The following CSMD1 variants were observed in gnomAD, a reference collection of about 807,000 sequenced individuals.
CSMD1 encodes CUB and Sushi multiple domains 1, also known as CUB and sushi domain-containing protein 1.
A neutral mutation model predicts 417.5 loss-of-function variants in CSMD1; 213 were observed. The ratio of observed to expected loss-of-function variants is 0.51; its 90% CI spans 0.46 to 0.57. The LOEUF is 0.57. CSMD1 is among the 20% of genes least tolerant of loss of function. CSMD1 has a pLI of 0.00. For missense variants in CSMD1, 6,923 were observed against 4,529.7 expected (o/e 1.53, Z -15.17); for synonymous variants, 2,862 against 1,736.8 (o/e 1.65, Z -16.11).
intron 33 of CSMD1, among the ~76,000 whole-genome samples, chr8:3,195,900 G>A (rs1459264799): frequency 6.6e-6 from 1 of 152,162 alleles, no homozygotes; most frequent in East Asian, 1.9e-4. Flanking sequence ...TATTTAAACT[G>A]TCAGAGGTGT....
At chr8:2,983,198 T>G (rs1389131954) in intron 54 of CSMD1, among the ~76,000 whole-genome samples, 1 of 151,932 alleles carries the variant, frequency 6.6e-6, no homozygotes, top group African/African-American at 2.4e-5. Flanking sequence ...CATATATATT[T>G]TTTTTTGAGA....
In CSMD1 at chr8:4,155,282, G is replaced by A. The variant is rs539739976; in HGVS notation, c.416-123183C>T. On this transcript the variant is annotated intron_variant, in intron 3 of 69. Coordinates refer to ENST00000635120, the MANE Select transcript of CSMD1 (RefSeq NM_033225.6). ...GGTGAATAAGTCCGGGTGTGAATTA[G>A]GGGGTGGAGCAGCAAGATCAGCGTT... Among the ~76,000 whole-genome samples, 9 of 152,296 alleles carry A rather than the reference G, an allele frequency of 5.9e-5. No homozygotes were observed. The South Asian group carries it at 1.9e-3, about 32-fold the overall frequency.
intron 46 of CSMD1, among the ~76,000 whole-genome samples, chr8:3,106,158 G>A (rs1479726182): frequency 1.3e-5 from 2 of 151,166 alleles, no homozygotes; most frequent in Non-Finnish European, 2.9e-5. Flanking sequence ...AGCTGAGGCA[G>A]GTAGATAGCT....
chr8:3,712,556 C>G (rs933042158), intron 6 of CSMD1, among the ~76,000 whole-genome samples: 2 of 152,192 alleles, frequency 1.3e-5, no homozygotes, highest in African/African-American at 4.8e-5. Flanking sequence ...GTCATTCATT[C>G]TCAGATCTTC....
At chr8:4,620,454 G>A (rs920104494) in intron 2 of CSMD1, among the ~76,000 whole-genome samples, 7 of 151,576 alleles carry the variant, frequency 4.6e-5, no homozygotes, top group East Asian at 1.9e-4. Flanking sequence ...CATAGATAAC[G>A]CTTTCTTCTA....
At chr8:4,899,027 A>G (rs1804689352) in intron 1 of CSMD1, among the ~76,000 whole-genome samples, 2 of 151,944 alleles carry the variant, frequency 1.3e-5, no homozygotes, top group Admixed American at 1.3e-4. Flanking sequence ...GCTAAACACA[A>G]TCGACTCCTT....
intron 3 of CSMD1, among the ~76,000 whole-genome samples, chr8:4,300,587 GGTTT>G (rs1375250061): frequency 6.6e-6 from 1 of 152,040 alleles, no homozygotes; most frequent in Non-Finnish European, 1.5e-5. Flanking sequence ...ACAACGTGCG[GGTTT>G]GTTTCATATG....
At chr8:3,294,128 C>T (rs1056557643) in intron 25 of CSMD1, among the ~76,000 whole-genome samples, 1 of 152,190 alleles carries the variant, frequency 6.6e-6, no homozygotes, top group Non-Finnish European at 1.5e-5. Flanking sequence ...GCAGCAGAGA[C>T]TGCAGAACAG....
intron 5 of CSMD1, among the ~76,000 whole-genome samples, chr8:3,930,545 C>T (rs574168299): frequency 7.3e-5 from 11 of 150,408 alleles, no homozygotes; most frequent in South Asian, 6.4e-4. Context: ...TTCTAAGTTG[C>T]TAGCCAATCG....
intron 1 of CSMD1, among the ~76,000 whole-genome samples, chr8:4,787,156 T>G (rs529156590): frequency 6.6e-6 from 1 of 152,140 alleles, no homozygotes; most frequent in South Asian, 2.1e-4. Flanking sequence ...CCCCTCCGGG[T>G]TCGGCCGCTG....
At chr8:2,987,909 G>A (rs1448811474) in intron 54 of CSMD1, among the ~76,000 whole-genome samples, 2 of 152,144 alleles carry the variant, frequency 1.3e-5, no homozygotes. Flanking sequence ...TTTAAGTTCT[G>A]CCATACATGT....
chr8:3,495,926 G>A (rs762778540), intron 10 of CSMD1, among the ~76,000 whole-genome samples: 11 of 151,870 alleles, frequency 7.2e-5, no homozygotes, highest in East Asian at 3.9e-4. Context: ...CTTAAGTTCC[G>A]GGGTACATGG....
chr8:4,026,860 CA>C (rs1230214699), intron 4 of CSMD1, among the ~76,000 whole-genome samples: 1 of 152,096 alleles, frequency 6.6e-6, no homozygotes, highest in Non-Finnish European at 1.5e-5. Flanking sequence ...AAAACCTGAG[CA>C]AAAGTTTGGA....
chr8:3,516,702 C>G (rs762092061), intron 10 of CSMD1, among the ~76,000 whole-genome samples: 2 of 152,000 alleles, frequency 1.3e-5, no homozygotes, highest in Non-Finnish European at 2.9e-5. Context: ...TGAGAAAGTT[C>G]TTTGGTGGAG....
chr8:3,583,547 A>C (rs1343247849), intron 9 of CSMD1, among the ~76,000 whole-genome samples: 1 of 152,038 alleles, frequency 6.6e-6, no homozygotes, highest in African/African-American at 2.4e-5. Context: ...ACAGCTAAGG[A>C]GAGTTGCAGG....
chr8:2,949,231 C>T, intron 68 of CSMD1, 68 bp downstream of exon 68: 1 of 774,622 alleles, frequency 1.3e-6, no homozygotes. Flanking sequence ...TTTTCCATTT[C>T]TTCTTAGAAA....
At chr8:4,252,986 G>C (rs997265879) in intron 3 of CSMD1, among the ~76,000 whole-genome samples, 2 of 152,186 alleles carry the variant, frequency 1.3e-5, no homozygotes, top group South Asian at 2.1e-4. Context: ...AAGCCTATGA[G>C]TTTTAAAGCC....
intron 2 of CSMD1, among the ~76,000 whole-genome samples, chr8:4,583,815 A>G (rs1284120982): frequency 6.6e-6 from 1 of 152,154 alleles, no homozygotes; most frequent in Non-Finnish European, 1.5e-5. Context: ...TGCCCCAGCC[A>G]GCAGTGGCAA....
chr8:4,401,389 T>A (rs1011954130), intron 3 of CSMD1, among the ~76,000 whole-genome samples: 10 of 152,226 alleles, frequency 6.6e-5, no homozygotes, highest in Non-Finnish European at 1.0e-4. Flanking sequence ...GTGTATCAGA[T>A]GTTAGTTGTT....
Sources: allele counts gnomAD v4.1 joint callset (sites outside exome capture counted in the v4.1 genomes callset), GRCh38; gene constraint gnomAD v4.1.1; transcripts MANE v1.5; gene names NCBI Gene and HGNC (gene_info 2026-07-23, HGNC 2026-07-21).